FHOD3: variants seen among roughly 807,000 people sequenced by gnomAD.
FHOD3 encodes the protein FH1/FH2 domain-containing protein 3.
In FHOD3, 90 loss-of-function variants were observed where a neutral mutation model predicts 173.0. That is an observed-to-expected ratio of 0.52 (90% CI 0.44 to 0.62). The LOEUF (loss-of-function observed/expected upper bound fraction) is 0.62. Ranked by LOEUF, FHOD3 falls within the 20% of genes least tolerant of loss-of-function variation. The pLI is 0.00. For synonymous variants in FHOD3, 828 were observed against 823.0 expected (o/e 1.01, Z -0.10); for missense variants, 1,945 against 2,034.7 (o/e 0.96, Z 0.85).
Position 36,649,315 on chromosome 18 carries a change from G to GGGAGGA in FHOD3, c.1206_1211dup (p.Glu405_Glu406dup). The GGGAGGA allele has an allele frequency of 6.5e-7, 1 of 1,535,032 alleles. No individual in the cohort carries two copies. The highest frequency in any genetic ancestry group is 8.7e-7 in the Non-Finnish European group (1 of 1,146,206). ...TTTCTCTTTTCCTGGCTTTGTCTCAGGGAGGAGGAGGAGGAAGAGGAGCAG... is the reference window on the plus strand; with the variant it reads ...TTTCTCTTTTCCTGGCTTTGTCTCAGGGAGGAGGAGGAGGAGGAGGAAGAGGAGCAG... On this transcript the variant is annotated inframe_insertion and splice_region_variant. Coordinates refer to ENST00000590592, the MANE Select transcript of FHOD3 (RefSeq NM_001281740.3).
At chr18:36,545,613 T>C (rs1204579147) in intron 5 of FHOD3, among the ~76,000 whole-genome samples, 1 of 152,234 alleles carries the variant, frequency 6.6e-6, no homozygotes, top group Non-Finnish European at 1.5e-5. Flanking sequence ...AATATCTGTG[T>C]GTGTGTTGTA....
At chr18:36,574,623 T>C (rs968493338) in intron 5 of FHOD3, among the ~76,000 whole-genome samples, 3 of 152,168 alleles carry the variant, frequency 2.0e-5, no homozygotes, top group African/African-American at 4.8e-5. Flanking sequence ...TAATAAATTC[T>C]GTGAATTTTT....
chr18:36,476,785 C>G (rs1304297029), intron 3 of FHOD3, among the ~76,000 whole-genome samples: 1 of 152,184 alleles, frequency 6.6e-6, no homozygotes, highest in Non-Finnish European at 1.5e-5. Flanking sequence ...TGTAAAGATC[C>G]AAACTGGGTA....
intron 3 of FHOD3, among the ~76,000 whole-genome samples, chr18:36,499,126 C>T (rs2054891044): frequency 6.7e-6 from 1 of 148,828 alleles, no homozygotes; most frequent in Middle Eastern, 3.4e-3. Context: ...TTGTTTGAGA[C>T]AGGTTCTTGC....
intron 17 of FHOD3, among the ~76,000 whole-genome samples, chr18:36,694,139 TAC>T (rs889177899): frequency 3.3e-5 from 5 of 152,236 alleles, no homozygotes; most frequent in Non-Finnish European, 5.9e-5. Context: ...CAGCAGCGTT[TAC>T]ACAGTGTGTG....
At chr18:36,632,663 T>A (rs1319603675) in intron 10 of FHOD3, among the ~76,000 whole-genome samples, 1 of 152,202 alleles carries the variant, frequency 6.6e-6, no homozygotes, top group Non-Finnish European at 1.5e-5. Flanking sequence ...GTCCTCTTTT[T>A]AACTGCAGCC....
intron 5 of FHOD3, among the ~76,000 whole-genome samples, chr18:36,573,033 G>A (rs777578326): frequency 6.6e-6 from 1 of 152,024 alleles, no homozygotes; most frequent in Non-Finnish European, 1.5e-5. Flanking sequence ...CATGAGGTAG[G>A]GGCTGCATCT....
chr18:36,406,093 TTG>T (rs370745246), intron 3 of FHOD3, among the ~76,000 whole-genome samples: 11,413 of 146,096 alleles, frequency 0.078, 573 homozygotes, highest in South Asian at 0.19. Flanking sequence ...GTTTTTGTTT[TTG>T]TTTTTTTGTT....
chr18:36,536,598 G>A (rs1266169556), intron 5 of FHOD3, among the ~76,000 whole-genome samples: 1 of 152,208 alleles, frequency 6.6e-6, no homozygotes, highest in Non-Finnish European at 1.5e-5. Flanking sequence ...TGATGCTGCA[G>A]CCACCTGCCA....
chr18:36,755,223 G>T lies in FHOD3; in HGVS notation c.4337G>T (p.Arg1446Leu). The T allele has an allele frequency of 6.2e-7, 1 of 1,611,306 alleles. No homozygotes were observed. The highest frequency in any genetic ancestry group is 1.7e-5 in the Admixed American group (1 of 59,764). The change falls in exon 25 of 29, where the codon CGC becomes CTC. Residue 1446 changes from arginine (R) to leucine (L), a missense_variant. Physicochemically the swap from Arg to Leu is moderately radical, Grantham distance 102. Coordinates refer to ENST00000590592, the MANE Select transcript of FHOD3 (RefSeq NM_001281740.3). The stretch of plus-strand genomic sequence containing the variant: ...ATTAGTGAATTTGCACTAGAGTATC[G>T]CACAACCAGGGAAAGGGTTTTGCAG... Reference protein sequence around the residue: ...RIISEFALEYRTTRERVLQQK... With the variant: ...RIISEFALEYLTTRERVLQQK...
At chr18:36,367,790 G>A (rs1277446403) in intron 2 of FHOD3, among the ~76,000 whole-genome samples, 1 of 152,198 alleles carries the variant, frequency 6.6e-6, no homozygotes, top group South Asian at 2.1e-4. Flanking sequence ...GGTGTGGAGG[G>A]AGGGACCTGG....
intron 3 of FHOD3, among the ~76,000 whole-genome samples, chr18:36,431,526 G>A (rs563342594): frequency 6.6e-6 from 1 of 152,318 alleles, no homozygotes; most frequent in African/African-American, 2.4e-5. Context: ...GGTTGCTGGT[G>A]GACAGATTTG....
chr18:36,694,976 GGTGT>G (rs34946996), intron 17 of FHOD3, among the ~76,000 whole-genome samples: 19 of 149,240 alleles, frequency 1.3e-4, no homozygotes, highest in African/African-American at 3.9e-4. Context: ...TGTATACGTG[GGTGT>G]GTGTGTGTGT....
intron 14 of FHOD3, among the ~76,000 whole-genome samples, chr18:36,668,840 G>A (rs2037350856): frequency 6.6e-6 from 1 of 151,974 alleles, no homozygotes; most frequent in South Asian, 2.1e-4. Flanking sequence ...TGCGGTCAGA[G>A]AACATATGTT....
chr18:36,328,581 TC>T (rs1469993988), intron 1 of FHOD3, among the ~76,000 whole-genome samples: 1 of 152,062 alleles, frequency 6.6e-6, no homozygotes, highest in Non-Finnish European at 1.5e-5. Flanking sequence ...CTGATCTGAC[TC>T]ATACCACAAG....
At chr18:36,658,563 A>G (rs1319762190) in intron 14 of FHOD3, among the ~76,000 whole-genome samples, 5 of 152,200 alleles carry the variant, frequency 3.3e-5, no homozygotes, top group Non-Finnish European at 5.9e-5. Flanking sequence ...AAATCTGTGT[A>G]AATCAGAAAG....
intron 1 of FHOD3, among the ~76,000 whole-genome samples, chr18:36,332,545 A>G (rs955223633): frequency 2.0e-5 from 3 of 152,244 alleles, no homozygotes; most frequent in Non-Finnish European, 4.4e-5. Context: ...ACTCTGGCTC[A>G]CAGAGGATGC....
rs1218632185 is a variant in FHOD3, at chr18:36,743,268, C to T, written c.3879+412C>T. ...AGGTTGCAGTGAGCTGAGATCTCAC[C>T]ACTGCACTCCAGCCTGGGTGACAGA... On this transcript the variant is annotated intron_variant, in intron 22 of 28. Coordinates refer to ENST00000590592, the MANE Select transcript of FHOD3 (RefSeq NM_001281740.3). Among the ~76,000 whole-genome samples the T allele has an allele frequency of 3.6e-5, 5 of 138,668 alleles. No homozygotes were observed. In the South Asian group the frequency reaches 1.2e-3, roughly 32 times the overall value. The allele number at this position is 138,668 out of a possible 152,430, so 91.0% of individuals were successfully genotyped here.
At chr18:36,579,301 G>A (rs2058764009) in intron 6 of FHOD3, among the ~76,000 whole-genome samples, 1 of 152,152 alleles carries the variant, frequency 6.6e-6, no homozygotes, top group African/African-American at 2.4e-5. Flanking sequence ...TTTTATGATG[G>A]CCATGATAAA....
Sources: allele counts gnomAD v4.1 joint callset (sites outside exome capture counted in the v4.1 genomes callset), GRCh38; gene constraint gnomAD v4.1.1; transcripts MANE v1.5; gene names NCBI Gene and HGNC (gene_info 2026-07-23, HGNC 2026-07-21).